Variants in GAS2 observed in about 807,000 individuals in gnomAD.
GAS2 encodes the protein growth arrest specific 2, also known as growth arrest-specific protein 2.
GAS2 carries 20 observed loss-of-function variants against 37.5 expected under a neutral mutation model. The observed-to-expected ratio is 0.53, with a 90% confidence interval of 0.37 to 0.77. GAS2 has a LOEUF of 0.77. GAS2 is among the 30% of genes least tolerant of loss of function. The pLI is 0.00. For missense variants in GAS2, 336 were observed against 373.4 expected, an observed-to-expected ratio of 0.90 and a Z score of 0.82; for synonymous variants, 144 against 132.2, an observed-to-expected ratio of 1.09 and a Z score of -0.61.
intron 1 of GAS2, among the ~76,000 whole-genome samples, chr11:22,639,047 A>G (rs1858876998): frequency 6.6e-6 from 1 of 152,172 alleles, no homozygotes; most frequent in African/African-American, 2.4e-5. Context: ...AAGCTGGAAC[A>G]ATTGTTTTAT....
intron 7 of GAS2, among the ~76,000 whole-genome samples, chr11:22,802,709 C>T (rs1271394313): frequency 6.6e-6 from 1 of 151,840 alleles, no homozygotes; most frequent in African/African-American, 2.4e-5. Flanking sequence ...TTATCAACAA[C>T]AAAAATAAAG....
intron 6 of GAS2, among the ~76,000 whole-genome samples, chr11:22,755,393 C>T (rs1004052715): frequency 7.9e-5 from 12 of 152,052 alleles, no homozygotes; most frequent in Non-Finnish European, 1.8e-4. Flanking sequence ...GTTAAACTCA[C>T]TCTCATTTAT....
intron 3 of GAS2, among the ~76,000 whole-genome samples, chr11:22,701,277 A>T (rs550354187): frequency 1.3e-5 from 2 of 152,280 alleles, no homozygotes; most frequent in South Asian, 4.2e-4. Flanking sequence ...CCAACAACAA[A>T]TATTTTATAA....
intron 7 of GAS2, among the ~76,000 whole-genome samples, chr11:22,780,356 G>T (rs953403724): frequency 6.6e-6 from 1 of 151,892 alleles, no homozygotes; most frequent in African/African-American, 2.4e-5. Context: ...TCAGCCAGAC[G>T]TGGCGGCATG....
At chr11:22,678,539 G>A (rs753090671) in intron 2 of GAS2, among the ~76,000 whole-genome samples, 4 of 151,798 alleles carry the variant, frequency 2.6e-5, no homozygotes, top group African/African-American at 4.8e-5. Flanking sequence ...TGAATTCCTA[G>A]GTGAGGTAGA....
chr11:22,760,610 G>A (rs1854339398), intron 7 of GAS2, among the ~76,000 whole-genome samples: 1 of 152,144 alleles, frequency 6.6e-6, no homozygotes, highest in African/African-American at 2.4e-5. Flanking sequence ...TTGTTGGAAG[G>A]AAATGCTTAA....
intron 7 of GAS2, among the ~76,000 whole-genome samples, chr11:22,781,942 G>A (rs144792353): frequency 1.0e-3 from 154 of 152,118 alleles, no homozygotes; most frequent in Non-Finnish European, 1.5e-3. Context: ...CATGCTTTCG[G>A]CCAAATTAAT....
intron 3 of GAS2, among the ~76,000 whole-genome samples, chr11:22,697,303 A>G (rs1373185893): frequency 6.6e-6 from 1 of 151,900 alleles, no homozygotes; most frequent in Non-Finnish European, 1.5e-5. Context: ...ATTGGTCTAT[A>G]TCTCTGTTTT....
At chr11:22,701,162 T>C (rs1444276707) in intron 3 of GAS2, among the ~76,000 whole-genome samples, 1 of 152,188 alleles carries the variant, frequency 6.6e-6, no homozygotes, top group Non-Finnish European at 1.5e-5. Flanking sequence ...TGCTATCGAC[T>C]TTCTGAAAAT....
intron 7 of GAS2, among the ~76,000 whole-genome samples, chr11:22,797,480 A>G (rs1856483598): frequency 6.6e-6 from 1 of 152,068 alleles, no homozygotes; most frequent in Non-Finnish European, 1.5e-5. Flanking sequence ...CATCTAGGGC[A>G]CTATAGTAGT....
chr11:22,684,327 A>G (rs1487398186), intron 2 of GAS2, among the ~76,000 whole-genome samples: 1 of 152,208 alleles, frequency 6.6e-6, no homozygotes, highest in Non-Finnish European at 1.5e-5. Flanking sequence ...GTGTTTAGCC[A>G]TCTTAATTTT....
intron 7 of GAS2, among the ~76,000 whole-genome samples, chr11:22,761,835 G>A (rs554334217): frequency 6.6e-6 from 1 of 152,218 alleles, no homozygotes; most frequent in African/African-American, 2.4e-5. Context: ...TTGGAAGTGG[G>A]CACTAAACCC....
At chr11:22,747,438 A>G (rs905409193) in intron 5 of GAS2, among the ~76,000 whole-genome samples, 4 of 152,174 alleles carry the variant, frequency 2.6e-5, no homozygotes, top group Non-Finnish European at 5.9e-5. Flanking sequence ...AGTAAACATT[A>G]ATCTGTGAAC....
intron 1 of GAS2, among the ~76,000 whole-genome samples, chr11:22,637,860 C>T (rs1259701629): frequency 4.7e-5 from 7 of 149,890 alleles, no homozygotes; most frequent in African/African-American, 1.5e-4. Context: ...CAGATATCTC[C>T]TTCCCCAAAC....
intron 1 of GAS2, among the ~76,000 whole-genome samples, chr11:22,654,318 G>T (rs1848831018): frequency 6.6e-6 from 1 of 152,056 alleles, no homozygotes; most frequent in African/African-American, 2.4e-5. Context: ...AACCCCTCTA[G>T]TTGAAATTAT....
intron 1 of GAS2, among the ~76,000 whole-genome samples, chr11:22,648,057 G>T (rs554877826): frequency 6.6e-6 from 1 of 152,296 alleles, no homozygotes; most frequent in South Asian, 2.1e-4. Context: ...ATGGTTTTAG[G>T]TCTAACGTTT....
intron 7 of GAS2, 151 bp downstream of exon 7, chr11:22,756,104 A>C: frequency 1.7e-6 from 1 of 592,496 alleles, no homozygotes; most frequent in Non-Finnish European, 3.0e-6. Flanking sequence ...ATACATTATA[A>C]TGTACTACTG....
intron 7 of GAS2, among the ~76,000 whole-genome samples, chr11:22,803,724 T>C (rs553014423): frequency 6.6e-6 from 1 of 152,238 alleles, no homozygotes; most frequent in South Asian, 2.1e-4. Context: ...GATAACAGTA[T>C]TGACCCTGTT....
In GAS2 at chr11:22,737,766, C is replaced by T. The variant is rs754122927; in HGVS notation, c.471C>T (p.Ala157=). 11 of 1,613,870 alleles carry T rather than the reference C, an allele frequency of 6.8e-6. No homozygotes were observed. The African/African-American group carries it at 1.2e-4, about 18-fold the overall frequency. ...TGCTAGAGCTTGGCCGGATTGCAGCCAGGTAGGTCAAACCACTGCAACTAT... is the reference window on the plus strand; with the variant it reads ...TGCTAGAGCTTGGCCGGATTGCAGCTAGGTAGGTCAAACCACTGCAACTAT... ...LCLLELGRIA[A]RYGVEPPGLI... The change falls in exon 5 of 8, where the codon GCC becomes GCT. Residue 157 remains alanine, a splice_region_variant and synonymous_variant. Transcript: ENST00000454584.
Sources: gnomAD v4.1 joint callset for allele counts (sites outside exome capture counted in the v4.1 genomes callset) on GRCh38, gnomAD v4.1.1 for gene constraint, MANE v1.5 for transcripts, NCBI Gene and HGNC (gene_info 2026-07-23, HGNC 2026-07-21) for gene names.